The following GLRA2 variants were observed in gnomAD, a reference collection of about 807,000 sequenced individuals.
GLRA2 encodes glycine receptor subunit alpha-2.
Under a neutral mutation model 31.6 loss-of-function variants are expected in GLRA2, and 11 were observed. That is an observed-to-expected ratio of 0.35 (90% CI 0.22 to 0.58). The LOEUF (loss-of-function observed/expected upper bound fraction) is 0.58, where lower values mean the gene tolerates loss of function less well. Ranked by LOEUF, GLRA2 falls within the 20% of genes least tolerant of loss-of-function variation. GLRA2 has a pLI of 0.84. For missense variants in GLRA2, 212 were observed against 351.8 expected (o/e 0.60, Z 3.18); for synonymous variants, 132 against 134.0 (o/e 0.99, Z 0.10).
At chrX:14,462,553 C>T in the GLRA2 span, among the ~76,000 whole-genome samples, 1 of 111,580 alleles carries the variant, frequency 9.0e-6, no homozygotes, top group Non-Finnish European at 1.9e-5. Flanking sequence ...TTTCTTTTCA[C>T]TCTTTTTTCT....
At chrX:14,722,853 G>A (rs756189498) in intron 8 of GLRA2, among the ~76,000 whole-genome samples, 23 of 112,365 alleles carry the variant, frequency 2.0e-4, no homozygotes, top group African/African-American at 6.8e-4. Flanking sequence ...CTGACATGCA[G>A]AATGATACTT....
chrX:14,630,338 A>G (rs1467533761), intron 7 of GLRA2, among the ~76,000 whole-genome samples: 1 of 111,382 alleles, frequency 9.0e-6, no homozygotes, highest in Non-Finnish European at 1.9e-5. Flanking sequence ...CTTCCTGTGT[A>G]CATAATTTGT....
chrX:14,449,055 C>G, the GLRA2 span, among the ~76,000 whole-genome samples: 1 of 112,525 alleles, frequency 8.9e-6, no homozygotes, highest in Non-Finnish European at 1.9e-5. Context: ...CCCTTCAGAC[C>G]TCTGCGTGAG....
intron 7 of GLRA2, among the ~76,000 whole-genome samples, chrX:14,627,823 G>C (rs1416599374): frequency 8.9e-6 from 1 of 111,822 alleles, no homozygotes; most frequent in African/African-American, 3.2e-5. Context: ...CTAAGTAAAA[G>C]AGTTCTTAAA....
chrX:14,507,686 A>ATTTTTTT, the GLRA2 span, among the ~76,000 whole-genome samples: 2 of 56,053 alleles, frequency 3.6e-5, no homozygotes, highest in Non-Finnish European at 7.9e-5. Flanking sequence ...TACGAAAGAC[A>ATTTTTTT]TTCTTTTTTT....
At chrX:14,463,799 G>C in the GLRA2 span, among the ~76,000 whole-genome samples, 40 of 111,587 alleles carry the variant, frequency 3.6e-4, no homozygotes, top group Non-Finnish European at 9.4e-5. Flanking sequence ...GACTATGAGA[G>C]GGAAATCCCC....
At chrX:14,686,327 G>C (rs2091277558) in intron 7 of GLRA2, among the ~76,000 whole-genome samples, 1 of 111,702 alleles carries the variant, frequency 9.0e-6, no homozygotes, top group Admixed American at 9.5e-5. Context: ...ATGTCTATTA[G>C]GTCTGCTTGG....
At chrX:14,568,974 G>A (rs188564267) in intron 2 of GLRA2, among the ~76,000 whole-genome samples, 139 of 111,873 alleles carry the variant, frequency 1.2e-3, no homozygotes, top group Non-Finnish European at 2.0e-3. Context: ...AAAACTAAAG[G>A]CCAAGTGTGG....
chrX:14,582,335 C>T (rs907480809), intron 4 of GLRA2, among the ~76,000 whole-genome samples: 8 of 107,246 alleles, frequency 7.5e-5, no homozygotes, highest in Admixed American at 2.0e-4. Flanking sequence ...TTTCTTCTTG[C>T]GATAGTTTAC....
At chrX:14,706,597 C>G (rs968943436) in intron 8 of GLRA2, among the ~76,000 whole-genome samples, 2 of 111,774 alleles carry the variant, frequency 1.8e-5, no homozygotes, top group Non-Finnish European at 3.8e-5. Context: ...AGAGTAATCA[C>G]TAAGTAGCCT....
At chrX:14,701,057 C>A (rs1050088016) in intron 8 of GLRA2, among the ~76,000 whole-genome samples, 4 of 110,268 alleles carry the variant, frequency 3.6e-5, no homozygotes, top group African/African-American at 9.9e-5. Flanking sequence ...GGAATCCCCA[C>A]ATGATGGCAT....
At chrX:14,456,458 C>G in the GLRA2 span, among the ~76,000 whole-genome samples, 1 of 111,449 alleles carries the variant, frequency 9.0e-6, no homozygotes, top group African/African-American at 3.3e-5. Flanking sequence ...AGAACCCAGT[C>G]CTCCCATCTA....
intron 7 of GLRA2, among the ~76,000 whole-genome samples, chrX:14,661,128 GAACA>G (rs1341435803): frequency 4.8e-5 from 5 of 104,514 alleles, no homozygotes; most frequent in African/African-American, 1.0e-4. Context: ...ATGAATGAAT[GAACA>G]GACACATACT....
At chrX:14,613,271 G>T (rs572805320) in intron 7 of GLRA2, among the ~76,000 whole-genome samples, 55 of 111,336 alleles carry the variant, frequency 4.9e-4, no homozygotes, top group Middle Eastern at 4.6e-3. Context: ...GGTTATATTA[G>T]AAAATGCATA....
At chrX:14,689,457 A>G (rs1361734608) in intron 7 of GLRA2, among the ~76,000 whole-genome samples, 1 of 112,581 alleles carries the variant, frequency 8.9e-6, no homozygotes, top group Non-Finnish European at 1.9e-5. Context: ...ATGCAAAGAT[A>G]CAAACTGTGA....
Position 14,665,065 on chromosome X carries a change from C to T in GLRA2, c.931-25645C>T, listed in dbSNP as rs570959949. The stretch of plus-strand genomic sequence containing the variant: ...TAATTTTGTACCCTGCCTCTGAAGA[C>T]ACCACTAATCTCATATTATTATTCT... On this transcript the variant is annotated intron_variant, in intron 7 of 8. Transcript: ENST00000218075. Among the ~76,000 whole-genome samples the T allele has an allele frequency of 6.3e-5, 7 of 111,822 alleles. No individual in the cohort carries two copies. In the South Asian group the frequency reaches 1.9e-3, roughly 30 times the overall value.
intron 7 of GLRA2, among the ~76,000 whole-genome samples, chrX:14,662,400 T>C (rs1382199009): frequency 8.9e-6 from 1 of 111,772 alleles, no homozygotes; most frequent in Non-Finnish European, 1.9e-5. Context: ...AATTTCAGTA[T>C]ATATTACTGC....
chrX:14,729,473 TTTATC>T (rs1431546016), intron 8 of GLRA2, among the ~76,000 whole-genome samples: 2 of 111,737 alleles, frequency 1.8e-5, no homozygotes, highest in African/African-American at 6.5e-5. Flanking sequence ...TTTTCAGACT[TTTATC>T]TAATTTATGT....
the GLRA2 span, among the ~76,000 whole-genome samples, chrX:14,455,039 T>G: frequency 8.9e-6 from 1 of 111,865 alleles, no homozygotes; most frequent in Non-Finnish European, 1.9e-5. Flanking sequence ...AATATATCTT[T>G]ATTACCTTTA....
Sources: gnomAD v4.1 joint callset for allele counts (sites outside exome capture counted in the v4.1 genomes callset) on GRCh38, gnomAD v4.1.1 for gene constraint, MANE v1.5 for transcripts, NCBI Gene and HGNC (gene_info 2026-07-23, HGNC 2026-07-21) for gene names.